The following SLC6A15 variants were observed in gnomAD, a reference collection of about 807,000 sequenced individuals.
SLC6A15 encodes the protein sodium-dependent neutral amino acid transporter B(0)AT2.
A neutral mutation model predicts 68.5 loss-of-function variants in SLC6A15; 33 were observed. That is an observed-to-expected ratio of 0.48 (90% CI 0.37 to 0.64). The LOEUF (loss-of-function observed/expected upper bound fraction) is 0.64, where lower values mean the gene tolerates loss of function less well. Ranked by LOEUF, SLC6A15 falls within the 30% of genes least tolerant of loss-of-function variation. SLC6A15 has a pLI of 0.00. For missense variants in SLC6A15, 747 were observed against 874.3 expected, an observed-to-expected ratio of 0.85 and a Z score of 1.84; for synonymous variants, 347 against 301.0, an observed-to-expected ratio of 1.15 and a Z score of -1.58.
intron 5 of SLC6A15, among the ~76,000 whole-genome samples, chr12:84,880,463 A>C (rs1408718358): frequency 6.6e-6 from 1 of 152,118 alleles, no homozygotes. Flanking sequence ...TTATTTTATA[A>C]ATTTGTTTAT....
At chr12:84,883,324 T>A in intron 5 of SLC6A15, 1 of 988,924 alleles carries the variant, frequency 1.0e-6, no homozygotes, top group Non-Finnish European at 1.2e-6. Context: ...TTTAGTCTTT[T>A]ACATTACTCT....
At chr12:84,885,409 A>G in intron 4 of SLC6A15, 26 bp downstream of exon 4, 2 of 1,567,642 alleles carry the variant, frequency 1.3e-6, no homozygotes, top group Middle Eastern at 1.7e-4. Flanking sequence ...CTTAAATACC[A>G]AAACACTGTA....
At chr12:84,906,661 C>T (rs1053517799) in intron 1 of SLC6A15, among the ~76,000 whole-genome samples, 2 of 152,020 alleles carry the variant, frequency 1.3e-5, no homozygotes, top group African/African-American at 4.8e-5. Flanking sequence ...ATAAAAGTAC[C>T]AAAGCAATTT....
At chr12:84,909,464 G>A (rs919110990) in intron 1 of SLC6A15, among the ~76,000 whole-genome samples, 2 of 152,126 alleles carry the variant, frequency 1.3e-5, no homozygotes, top group African/African-American at 2.4e-5. Flanking sequence ...TAATATTTAA[G>A]CAGATAAATA....
At position 84,870,488 on chromosome 12, in the gene SLC6A15, T is replaced by G. The variant is rs150804704; in HGVS notation, c.1485A>C (p.Glu495Asp). The G allele has an allele frequency of 1.4e-5, 22 of 1,527,850 alleles. No individual in the cohort carries two copies. The highest frequency in any genetic ancestry group is 1.7e-5 in the Non-Finnish European group (19 of 1,136,830). The allele number at this position is 1,527,850 out of a possible 1,614,324, so 94.6% of individuals were successfully genotyped here. The change falls in exon 9 of 12, where the codon GAA becomes GAC. Residue 495 changes from glutamate (E) to aspartate (D), a missense_variant. Physicochemically the swap from Glu to Asp is conservative, Grantham distance 45. Coordinates refer to ENST00000266682, the MANE Select transcript of SLC6A15 (RefSeq NM_182767.6). The part of the protein sequence containing the change: ...PIVDTFKVRK[E>D]ILTVICCLLA... ...ATACAAAAAACTCACCAGTAAGAATTTCTTTCCTCACTTTGAAAGTGTCCA... is the reference window on the plus strand; with the variant it reads ...ATACAAAAAACTCACCAGTAAGAATGTCTTTCCTCACTTTGAAAGTGTCCA...
chr12:84,887,149 A>G (rs749963331), intron 2 of SLC6A15, among the ~76,000 whole-genome samples: 29 of 152,170 alleles, frequency 1.9e-4, no homozygotes, highest in Non-Finnish European at 3.4e-4. Context: ...CAATTTTTTA[A>G]TCTGCAGTTT....
chr12:84,909,158 CG>C (rs1235462704), intron 1 of SLC6A15, among the ~76,000 whole-genome samples: 1 of 152,052 alleles, frequency 6.6e-6, no homozygotes, highest in African/African-American at 2.4e-5. Context: ...TGAGAGTGCC[CG>C]CTTTCTTCTA....
At chr12:84,897,063 G>A (rs1872664437) in intron 1 of SLC6A15, among the ~76,000 whole-genome samples, 1 of 152,046 alleles carries the variant, frequency 6.6e-6, no homozygotes. Context: ...TGTGGTGGCA[G>A]GTGCCTGTAA....
At chr12:84,866,086 T>C (rs1303064822) in intron 10 of SLC6A15, among the ~76,000 whole-genome samples, 1 of 148,740 alleles carries the variant, frequency 6.7e-6, no homozygotes, top group Non-Finnish European at 1.5e-5. Context: ...TCTCTAAGCT[T>C]TGTTATAAAG....
At position 84,892,113 on chromosome 12, in the gene SLC6A15, T is replaced by C; in HGVS notation, c.8A>G (p.Lys3Arg). 6.2e-7 allele frequency: 1 copy of C among 1,610,222 alleles called. No homozygotes were observed. Among genetic ancestry groups the C allele is most frequent in the Non-Finnish European group, 8.5e-7 (1 of 1,178,542 alleles). Residue 3 changes from lysine (K) to arginine (R), a missense_variant, in exon 2 of 12, where the codon AAA (lysine) becomes AGA (arginine). Transcript: ENST00000266682. MPKNSKVVKRELD... is the reference protein window; with the variant it reads MPRNSKVVKRELD... The stretch of plus-strand genomic sequence containing the variant: ...TTCTCTTTTTACCACCTTGCTATTT[T>C]TGGGCATTGGAGAGTATGCGAAGTA...
At chr12:84,890,448 G>A (rs561190714) in intron 2 of SLC6A15, among the ~76,000 whole-genome samples, 134 of 152,238 alleles carry the variant, frequency 8.8e-4, no homozygotes, top group Middle Eastern at 3.4e-3. Flanking sequence ...CTTGGCAAAT[G>A]GAATGATTTG....
chr12:84,904,224 G>GGGGAGAGAGAGA (rs1555183253), intron 1 of SLC6A15, among the ~76,000 whole-genome samples: 11 of 122,012 alleles, frequency 9.0e-5, no homozygotes, highest in South Asian at 5.3e-4. Context: ...GGGCGGAGGG[G>GGGGAGAGAGAGA]GAGAGAGAGA....
chr12:84,887,733 T>C (rs1229936184), intron 2 of SLC6A15, among the ~76,000 whole-genome samples: 1 of 152,162 alleles, frequency 6.6e-6, no homozygotes, highest in Non-Finnish European at 1.5e-5. Context: ...GAGAAAGAAT[T>C]ATGACTGAAC....
At chr12:84,904,304 G>T (rs569553298) in intron 1 of SLC6A15, among the ~76,000 whole-genome samples, 1 of 149,154 alleles carries the variant, frequency 6.7e-6, no homozygotes, top group Admixed American at 6.7e-5. Flanking sequence ...AAGAACAAAG[G>T]TATTGATATT....
intron 1 of SLC6A15, among the ~76,000 whole-genome samples, chr12:84,898,451 A>C (rs1016593585): frequency 7.2e-5 from 11 of 152,354 alleles, no homozygotes; most frequent in African/African-American, 2.6e-4. Context: ...TGACATTATA[A>C]GAATCAATAC....
intron 1 of SLC6A15, among the ~76,000 whole-genome samples, chr12:84,899,705 T>C (rs1473842408): frequency 2.0e-5 from 3 of 152,172 alleles, no homozygotes. Context: ...TATCTATGTA[T>C]ATGAACATAA....
intron 5 of SLC6A15, among the ~76,000 whole-genome samples, chr12:84,876,834 G>A (rs1269689220): frequency 6.6e-6 from 1 of 152,090 alleles, no homozygotes; most frequent in Non-Finnish European, 1.5e-5. Context: ...TATCTCCTTT[G>A]AAAAAATCCA....
chr12:84,901,864 T>C (rs1020356321), intron 1 of SLC6A15, among the ~76,000 whole-genome samples: 12 of 151,890 alleles, frequency 7.9e-5, no homozygotes, highest in Non-Finnish European at 7.4e-5. Flanking sequence ...CTAATTTGAA[T>C]ATGAAATGTT....
Position 84,876,599 on chromosome 12 carries a change from A to G in SLC6A15, c.765T>C (p.Tyr255=). 6.6e-7 allele frequency: 1 copy of G among 1,504,290 alleles called. No homozygotes were observed. The highest frequency in any genetic ancestry group is 1.2e-5 in the South Asian group (1 of 81,470). The allele number at this position is 1,504,290 out of a possible 1,614,324, so 93.2% of individuals were successfully genotyped here. The change falls in exon 6 of 12, where the codon TAT becomes TAC. Residue 255 remains tyrosine, a synonymous_variant. Coordinates refer to ENST00000266682, the MANE Select transcript of SLC6A15 (RefSeq NM_182767.6). ...CCACATATGGAAACAGAGAACTAAA[A>G]TATATGATCTGCAAAGAAATAAAAA... The part of the protein sequence containing the change: ...KGIQSSGKII[Y]FSSLFPYVVL...
Sources: gnomAD v4.1 joint callset for allele counts (sites outside exome capture counted in the v4.1 genomes callset) on GRCh38, gnomAD v4.1.1 for gene constraint, MANE v1.5 for transcripts, NCBI Gene and HGNC (gene_info 2026-07-23, HGNC 2026-07-21) for gene names.